Variants in EYS observed in about 807,000 individuals in gnomAD.
EYS encodes the protein protein eyes shut homolog.
In EYS, 250 loss-of-function variants were observed where a neutral mutation model predicts 282.1. The observed-to-expected ratio is 0.89, with a 90% CI of 0.80 to 0.98. EYS has a LOEUF of 0.98. EYS is among the 50% of genes least tolerant of loss of function. The pLI is 0.00. For missense variants in EYS, 4,016 were observed against 3,709.0 expected (o/e 1.08, Z -2.15); for synonymous variants, 1,355 against 1,282.9 (o/e 1.06, Z -1.20).
At chr6:64,316,026 G>A (rs1468829108) in intron 29 of EYS, among the ~76,000 whole-genome samples, 1 of 152,110 alleles carries the variant, frequency 6.6e-6, no homozygotes, top group African/African-American at 2.4e-5. Context: ...AACCCTTCAT[G>A]CTAAAAACTC....
At chr6:63,956,190 TAC>T (rs1183692309) in intron 35 of EYS, among the ~76,000 whole-genome samples, 1 of 152,170 alleles carries the variant, frequency 6.6e-6, no homozygotes, top group Non-Finnish European at 1.5e-5. Context: ...CCTGCATGTG[TAC>T]ATCCAGATGG....
At chr6:65,628,776 G>A (rs1181309605) in intron 2 of EYS, among the ~76,000 whole-genome samples, 4 of 152,142 alleles carry the variant, frequency 2.6e-5, no homozygotes, top group South Asian at 2.1e-4. Context: ...GACTCCAGAC[G>A]CGCCACCTTA....
intron 5 of EYS, among the ~76,000 whole-genome samples, chr6:65,416,856 G>A (rs1435633564): frequency 6.6e-6 from 1 of 151,974 alleles, no homozygotes; most frequent in Non-Finnish European, 1.5e-5. Flanking sequence ...TCTATGGGGA[G>A]AGAAAGAAAT....
Position 65,295,943 on chromosome 6 carries a change from T to C in EYS, c.1943A>G (p.Lys648Arg), listed in dbSNP as rs1040117862. ...NICEIDTEDC[K>R]SASCKNGTTS... ...TGTTCCATTTTTGCAGGACGCAGATTTGCAGTCTTCAGTATCTATCTCACA... is the reference window on the plus strand; with the variant it reads ...TGTTCCATTTTTGCAGGACGCAGATCTGCAGTCTTCAGTATCTATCTCACA... Residue 648 changes from lysine (K) to arginine (R), a missense_variant, in exon 12 of 43, where the codon AAA becomes AGA. By Grantham distance (26) the Lys-to-Arg change is conservative. Coordinates refer to ENST00000503581, the MANE Select transcript of EYS (RefSeq NM_001142800.2). 3 of 1,551,100 alleles carry C rather than the reference T, an allele frequency of 1.9e-6. No homozygotes were observed. In the African/African-American group the frequency reaches 4.1e-5, roughly 21 times the overall value.
chr6:64,626,683 T>C (rs1236563436), intron 22 of EYS, among the ~76,000 whole-genome samples: 5 of 152,188 alleles, frequency 3.3e-5, no homozygotes, highest in Non-Finnish European at 7.4e-5. Context: ...TAAGATTTTT[T>C]CCTAGAGTTT....
intron 15 of EYS, among the ~76,000 whole-genome samples, chr6:64,936,020 G>T (rs1369000342): frequency 4.0e-5 from 6 of 151,448 alleles, no homozygotes; most frequent in Admixed American, 6.6e-5. Context: ...TATGCCTTAG[G>T]AATACAGACC....
chr6:65,582,919 C>T (rs1011907358), intron 2 of EYS, among the ~76,000 whole-genome samples: 14 of 152,022 alleles, frequency 9.2e-5, no homozygotes, highest in African/African-American at 3.4e-4. Context: ...TACTTGCAAA[C>T]TCTAGGAATG....
chr6:65,301,900 A>G (rs1317477918), intron 11 of EYS, among the ~76,000 whole-genome samples: 6 of 152,366 alleles, frequency 3.9e-5, no homozygotes, highest in African/African-American at 1.4e-4. Flanking sequence ...GATGCTTTTT[A>G]GGATTTGGGG....
At chr6:63,770,086 T>C (rs1220613539) in intron 40 of EYS, among the ~76,000 whole-genome samples, 1 of 151,882 alleles carries the variant, frequency 6.6e-6, no homozygotes, top group Non-Finnish European at 1.5e-5. Flanking sequence ...ATATGATATA[T>C]ATAAAATATA....
At chr6:63,829,716 G>A (rs1304853838) in intron 36 of EYS, among the ~76,000 whole-genome samples, 3 of 152,144 alleles carry the variant, frequency 2.0e-5, no homozygotes, top group Non-Finnish European at 4.4e-5. Context: ...AGAGAGTAGT[G>A]GTTCTCACAG....
intron 2 of EYS, among the ~76,000 whole-genome samples, chr6:65,545,406 G>T (rs1158055805): frequency 6.6e-6 from 1 of 152,008 alleles, no homozygotes; most frequent in African/African-American, 2.4e-5. Flanking sequence ...TTTTTAAAGT[G>T]ATTTTATGGA....
intron 26 of EYS, among the ~76,000 whole-genome samples, chr6:64,506,289 C>T (rs1390686586): frequency 6.6e-6 from 1 of 152,074 alleles, no homozygotes; most frequent in Admixed American, 6.6e-5. Context: ...TTTTACCACT[C>T]TATGCCCACT....
chr6:65,072,308 C>G (rs1773924879), intron 12 of EYS, among the ~76,000 whole-genome samples: 1 of 151,676 alleles, frequency 6.6e-6, no homozygotes, highest in Non-Finnish European at 1.5e-5. Context: ...GAGAAGGAAT[C>G]AGAGACCTAA....
chr6:63,888,845 GC>G (rs1393730981), intron 35 of EYS, among the ~76,000 whole-genome samples: 1 of 152,174 alleles, frequency 6.6e-6, no homozygotes, highest in African/African-American at 2.4e-5. Flanking sequence ...ACTCCTCTGA[GC>G]TAAAGGAGCA....
rs1250859860 is a variant in EYS at position 63,782,282 on chromosome 6, A to T, written c.7724-4102T>A. 2.0e-5 allele frequency among the ~76,000 whole-genome samples: 3 copies of T among 152,300 alleles called. No homozygotes were observed. The East Asian group carries it at 5.8e-4, about 29-fold the overall frequency. On this transcript the variant is annotated intron_variant, in intron 39 of 42. Transcript: ENST00000503581. ...GCCCTCATAAAATGAATTAGGGAAG[A>T]TTCCCTCTTTTTCTATTGATTGGAA...
At chr6:64,316,985 T>C (rs56912227) in intron 29 of EYS, among the ~76,000 whole-genome samples, 4,729 of 152,278 alleles carry the variant, frequency 0.031, 229 homozygotes, top group African/African-American at 0.11. Context: ...ATTTAATAAA[T>C]GGTTTTGGGA....
intron 31 of EYS, among the ~76,000 whole-genome samples, chr6:64,174,192 A>G (rs1407062613): frequency 2.0e-5 from 3 of 152,132 alleles, no homozygotes; most frequent in Non-Finnish European, 1.5e-5. Context: ...CAATAAGAGC[A>G]AAGTCTCATT....
chr6:65,476,582 G>A (rs1251054374), intron 5 of EYS, among the ~76,000 whole-genome samples: 3 of 149,864 alleles, frequency 2.0e-5, no homozygotes, highest in African/African-American at 7.4e-5. Flanking sequence ...TTCTAAAACT[G>A]CTTTTTTTTT....
At chr6:64,583,423 C>G (rs1766136194) in intron 26 of EYS, among the ~76,000 whole-genome samples, 1 of 146,568 alleles carries the variant, frequency 6.8e-6, no homozygotes, top group African/African-American at 2.4e-5. Context: ...AGCAAGCAGG[C>G]AAACAAACAA....
Sources: gnomAD v4.1 joint callset for allele counts (sites outside exome capture counted in the v4.1 genomes callset) on GRCh38, gnomAD v4.1.1 for gene constraint, MANE v1.5 for transcripts, NCBI Gene and HGNC (gene_info 2026-07-23, HGNC 2026-07-21) for gene names.